The following PRKAR1B variants were observed in gnomAD, a reference collection of about 807,000 sequenced individuals.
PRKAR1B encodes the protein cAMP-dependent protein kinase type I-beta regulatory subunit.
PRKAR1B carries 22 observed loss-of-function variants against 46.5 expected under a neutral mutation model. That is an observed-to-expected ratio of 0.47 (90% CI 0.34 to 0.68). The LOEUF is 0.68. PRKAR1B is among the 30% of genes least tolerant of loss of function. The probability of loss-of-function intolerance (pLI) is 0.01; values close to 1 mark genes in which losing one functional copy is unlikely to be tolerated. For missense variants in PRKAR1B, 445 were observed against 535.6 expected, an observed-to-expected ratio of 0.83 and a Z score of 1.67; for synonymous variants, 259 against 217.7, an observed-to-expected ratio of 1.19 and a Z score of -1.67.
chr7:612,895 G>T (rs1213549935), intron 4 of PRKAR1B, among the ~76,000 whole-genome samples: 1 of 152,180 alleles, frequency 6.6e-6, no homozygotes, highest in African/African-American at 2.4e-5. Flanking sequence ...AGCACTGTCA[G>T]CAACAGAGGC....
At chr7:618,404 C>T (rs950317302) in intron 4 of PRKAR1B, among the ~76,000 whole-genome samples, 1 of 152,230 alleles carries the variant, frequency 6.6e-6, no homozygotes, top group Non-Finnish European at 1.5e-5. Context: ...CCATAGCCCT[C>T]TCGGTCTGTG....
Position 689,846 on chromosome 7 carries a change from A to T in PRKAR1B, c.178-9120T>A, listed in dbSNP as rs190050064. Reference sequence around the variant, plus strand: ...AGGCACCCACCACCAAGCCTGGCTAATTTTTTTGTATTTTTAGTAGAGAAC... The same window carrying T: ...AGGCACCCACCACCAAGCCTGGCTATTTTTTTTGTATTTTTAGTAGAGAAC... On this transcript the variant is annotated intron_variant, in intron 2 of 10. Coordinates refer to ENST00000537384, the MANE Select transcript of PRKAR1B (RefSeq NM_001164760.2). Among the ~76,000 whole-genome samples, 255 of 151,960 alleles carry T rather than the reference A, an allele frequency of 1.7e-3. 1 individual carries two copies. Among genetic ancestry groups the T allele is most frequent in the African/African-American group, 5.9e-3 (243 of 41,504 alleles).
intron 4 of PRKAR1B, among the ~76,000 whole-genome samples, chr7:658,227 A>C (rs1451433582): frequency 6.6e-6 from 1 of 152,118 alleles, no homozygotes; most frequent in African/African-American, 2.4e-5. Flanking sequence ...TGAGGACAGG[A>C]GTTCAAGACC....
chr7:585,516 C>T (rs868092350), intron 7 of PRKAR1B, among the ~76,000 whole-genome samples: 28 of 152,208 alleles, frequency 1.8e-4, no homozygotes, highest in Middle Eastern at 3.4e-3. Context: ...GTAGGGTGTA[C>T]GCCGGGATGT....
At chr7:604,567 G>A (rs1025918685) in intron 6 of PRKAR1B, among the ~76,000 whole-genome samples, 31 of 152,344 alleles carry the variant, frequency 2.0e-4, no homozygotes, top group Admixed American at 3.3e-4. Flanking sequence ...CCAGGCCCGA[G>A]GCACGTGCCC....
intron 1 of PRKAR1B, among the ~76,000 whole-genome samples, chr7:718,083 AT>A (rs1248834283): frequency 1.3e-5 from 2 of 152,020 alleles, no homozygotes; most frequent in African/African-American, 4.8e-5. Flanking sequence ...AAGAAAGTGA[AT>A]GCTGGAAACA....
intron 2 of PRKAR1B, among the ~76,000 whole-genome samples, chr7:685,333 TATACGTATATATATGTATAC>T (rs1779006169): frequency 1.1e-5 from 1 of 91,886 alleles, no homozygotes; most frequent in African/African-American, 4.7e-5. Flanking sequence ...TATACGTATA[TATACGTATATATATGTATAC>T]ATATATATAT....
Position 655,913 on chromosome 7 carries a change from C to T in PRKAR1B, c.440+21316G>A, listed in dbSNP as rs1214135836. 5.9e-5 allele frequency among the ~76,000 whole-genome samples: 9 copies of T among 151,798 alleles called. No homozygotes were observed. The South Asian group carries it at 1.9e-3, about 32-fold the overall frequency. On this transcript the variant is annotated intron_variant, in intron 4 of 10. Coordinates refer to ENST00000537384, the MANE Select transcript of PRKAR1B (RefSeq NM_001164760.2). Reference sequence around the variant, plus strand: ...GGGTCCATTGGGGAGTTACATGAGACAGCATGTGAGGCTGCTCTCTGGGAT... The same window carrying T: ...GGGTCCATTGGGGAGTTACATGAGATAGCATGTGAGGCTGCTCTCTGGGAT...
In PRKAR1B at chr7:551,488, C is replaced by G. The variant is rs71518309; in HGVS notation, c.892-18G>C. On this transcript the variant is annotated intron_variant, in intron 9 of 10. Coordinates refer to ENST00000537384, the MANE Select transcript of PRKAR1B (RefSeq NM_001164760.2). Reference sequence around the variant, plus strand: ...GCGGTGCCCTGTGGGTGGAGGTGGACAGACGTGAGTGCCAGCCAGGCGGGT... The same window carrying G: ...GCGGTGCCCTGTGGGTGGAGGTGGAGAGACGTGAGTGCCAGCCAGGCGGGT... 794,571 of 1,548,482 alleles carry G rather than the reference C, an allele frequency of 0.51. 208,000 individuals are homozygous for G. Among genetic ancestry groups the G allele is most frequent in the African/African-American group, 0.72 (52,723 of 73,174 alleles).
intron 4 of PRKAR1B, among the ~76,000 whole-genome samples, chr7:631,584 G>A (rs532493329): frequency 6.6e-6 from 1 of 152,304 alleles, no homozygotes; most frequent in East Asian, 1.9e-4. Context: ...GGAAAAGCCG[G>A]GGCACGGTGT....
intron 4 of PRKAR1B, among the ~76,000 whole-genome samples, chr7:647,917 T>TGA (rs1231321949): frequency 6.6e-6 from 1 of 151,456 alleles, no homozygotes; most frequent in Non-Finnish European, 1.5e-5. Flanking sequence ...TCCGGTGCTT[T>TGA]GAGACGCTGC....
At chr7:555,451 G>A (rs918117012) in intron 9 of PRKAR1B, among the ~76,000 whole-genome samples, 2 of 152,204 alleles carry the variant, frequency 1.3e-5, no homozygotes, top group Non-Finnish European at 2.9e-5. Flanking sequence ...CCACACGGAT[G>A]ACTTTTTTAA....
chr7:676,010 C>T lies in PRKAR1B; in HGVS notation c.440+1219G>A, dbSNP rs561779001. ...CCGCAGTAGGAAAACAGCTAATTCACATAGAAATTGACAGCACAAGACAAC... is the reference window on the plus strand; with the variant it reads ...CCGCAGTAGGAAAACAGCTAATTCATATAGAAATTGACAGCACAAGACAAC... On this transcript the variant is annotated intron_variant, in intron 4 of 10. Coordinates refer to ENST00000537384, the MANE Select transcript of PRKAR1B (RefSeq NM_001164760.2). Among the ~76,000 whole-genome samples, 23 of 148,764 alleles carry T rather than the reference C, an allele frequency of 1.5e-4. No homozygotes were observed. The South Asian group carries it at 4.3e-3, about 28-fold the overall frequency.
chr7:643,738 G>A (rs28610413), intron 4 of PRKAR1B, among the ~76,000 whole-genome samples: 1,828 of 151,460 alleles, frequency 0.012, 48 homozygotes, highest in African/African-American at 0.042. Context: ...AAAAAAAGTC[G>A]CAGCTTCCTG....
intron 4 of PRKAR1B, among the ~76,000 whole-genome samples, chr7:625,161 T>C (rs1783317072): frequency 6.6e-6 from 1 of 152,198 alleles, no homozygotes; most frequent in Non-Finnish European, 1.5e-5. Flanking sequence ...TTCTAAATAA[T>C]GCATGGGTCA....
intron 4 of PRKAR1B, 22 bp downstream of exon 4, chr7:677,207 G>A (rs370112300): frequency 1.2e-6 from 2 of 1,612,704 alleles, no homozygotes; most frequent in South Asian, 1.1e-5. Context: ...GTGATGCCGG[G>A]GCAGGGGACG....
intron 2 of PRKAR1B, among the ~76,000 whole-genome samples, chr7:687,913 T>C (rs1779181578): frequency 6.7e-6 from 1 of 150,140 alleles, no homozygotes; most frequent in Non-Finnish European, 1.5e-5. Flanking sequence ...CTGGCCAATA[T>C]GATGAAACCT....
At chr7:574,476 G>C (rs1444099707) in intron 9 of PRKAR1B, among the ~76,000 whole-genome samples, 2 of 149,974 alleles carry the variant, frequency 1.3e-5, no homozygotes, top group Non-Finnish European at 3.0e-5. Context: ...ACAGGCTCTT[G>C]CTCTGTGGCC....
intron 4 of PRKAR1B, among the ~76,000 whole-genome samples, chr7:638,657 C>T (rs904140716): frequency 2.6e-5 from 4 of 152,174 alleles, no homozygotes; most frequent in Non-Finnish European, 5.9e-5. Context: ...GGCAGGACTT[C>T]GAAATACTGC....
Sources: gnomAD v4.1 joint callset for allele counts (sites outside exome capture counted in the v4.1 genomes callset) on GRCh38, gnomAD v4.1.1 for gene constraint, MANE v1.5 for transcripts, NCBI Gene and HGNC (gene_info 2026-07-23, HGNC 2026-07-21) for gene names.